MACROD1: variants seen among roughly 807,000 people sequenced by gnomAD.
The protein encoded by MACROD1 is mono-ADP ribosylhydrolase 1.
In MACROD1, 31 loss-of-function variants were observed where a neutral mutation model predicts 41.4. That is an observed-to-expected ratio of 0.75 (90% confidence interval 0.56 to 1.01). MACROD1 has a LOEUF of 1.01. Ranked by LOEUF, MACROD1 falls within the 50% of genes least tolerant of loss-of-function variation. MACROD1 has a pLI of 0.00. For synonymous variants in MACROD1, 252 were observed against 203.4 expected (o/e 1.24, Z -2.03); for missense variants, 473 against 460.0 (o/e 1.03, Z -0.26).
intron 3 of MACROD1, among the ~76,000 whole-genome samples, chr11:64,030,015 TGGGGCTG>T (rs974453355): frequency 3.3e-5 from 5 of 152,160 alleles, no homozygotes; most frequent in Middle Eastern, 3.4e-3. Flanking sequence ...TCAGTCCTGC[TGGGGCTG>T]GGGGCTGACC....
rs764686145 is a variant in MACROD1 at position 64,093,232 on chromosome 11, GTAT to G, written c.517+58004_517+58006del. Among the ~76,000 whole-genome samples the G allele has an allele frequency of 9.2e-5, 14 of 152,300 alleles. No homozygotes were observed. In the East Asian group the frequency reaches 1.9e-3, roughly 21 times the overall value. On this transcript the variant is annotated intron_variant, in intron 3 of 10. Coordinates refer to ENST00000255681, the MANE Select transcript of MACROD1 (RefSeq NM_014067.4). ...CACAGGGCGGCCACTACTGTTGTTAGTATTATTATTATTATCCACATCAACATC... is the reference window on the plus strand; with the variant it reads ...CACAGGGCGGCCACTACTGTTGTTAGTATTATTATTATCCACATCAACATC...
chr11:64,039,125 A>G (rs1189964669), intron 3 of MACROD1, among the ~76,000 whole-genome samples: 1 of 152,154 alleles, frequency 6.6e-6, no homozygotes, highest in Non-Finnish European at 1.5e-5. Context: ...TACCTGGCCC[A>G]AGGGGCAGTG....
intron 3 of MACROD1, among the ~76,000 whole-genome samples, chr11:64,126,221 C>T (rs1291850794): frequency 6.6e-6 from 1 of 152,212 alleles, no homozygotes; most frequent in Non-Finnish European, 1.5e-5. Context: ...CCAAAGTGAG[C>T]CGCCAGGGGG....
chr11:64,076,578 C>T (rs1944206498), intron 3 of MACROD1, among the ~76,000 whole-genome samples: 2 of 152,196 alleles, frequency 1.3e-5, no homozygotes, highest in South Asian at 4.1e-4. Flanking sequence ...AGAACTTAGT[C>T]ATCCTCACAA....
intron 3 of MACROD1, among the ~76,000 whole-genome samples, chr11:64,042,863 C>T (rs1453260501): frequency 6.6e-6 from 1 of 152,214 alleles, no homozygotes; most frequent in Non-Finnish European, 1.5e-5. Context: ...GTGCCACACC[C>T]CAGTTTCCAG....
chr11:64,085,949 G>A (rs1168623508), intron 3 of MACROD1, among the ~76,000 whole-genome samples: 2 of 127,824 alleles, frequency 1.6e-5, no homozygotes, highest in Non-Finnish European at 3.2e-5. Context: ...CCCTTCCTGC[G>A]CCCCCAGCCC....
chr11:64,116,850 G>A, intron 3 of MACROD1: 2 of 1,612,596 alleles, frequency 1.2e-6, no homozygotes, highest in African/African-American at 1.3e-5. Flanking sequence ...CATCCCCTCG[G>A]GGCTGCCGCA....
In MACROD1 at chr11:64,067,469, A is replaced by G. The variant is rs923008647; in HGVS notation, c.518-52188T>C. ...CAGCCAGCACAGACGCCCAGCTCAG[A>G]TAACAGAAGGGAGGAGATAGGTCGG... On this transcript the variant is annotated intron_variant, in intron 3 of 10. Coordinates refer to ENST00000255681, the MANE Select transcript of MACROD1 (RefSeq NM_014067.4). This position sits in a 1 kb window ranked among gnomAD's most constrained non-coding sequence, Gnocchi z 4.6. 1.3e-5 allele frequency among the ~76,000 whole-genome samples: 2 copies of G among 152,118 alleles called. No individual in the cohort carries two copies. The highest frequency in any genetic ancestry group is 2.9e-5 in the Non-Finnish European group (2 of 67,992).
intron 3 of MACROD1, chr11:64,119,156 T>C (rs931936959): frequency 9.6e-5 from 16 of 167,228 alleles, no homozygotes; most frequent in African/African-American, 3.1e-4. Context: ...TCCTGAACAA[T>C]AGAATTGTGA....
At chr11:64,156,157 T>C (rs1418187306) in intron 1 of MACROD1, among the ~76,000 whole-genome samples, 2 of 150,476 alleles carry the variant, frequency 1.3e-5, no homozygotes, top group Non-Finnish European at 3.0e-5. Context: ...GACATGTGCC[T>C]GTAGTCCCAA....
intron 3 of MACROD1, among the ~76,000 whole-genome samples, chr11:64,066,145 G>T (rs938955723): frequency 2.6e-5 from 4 of 151,198 alleles, no homozygotes; most frequent in African/African-American, 9.7e-5. Context: ...AAAAATACAA[G>T]AATTAGCTGG....
chr11:64,035,637 C>G (rs1943359538), intron 3 of MACROD1, among the ~76,000 whole-genome samples: 1 of 129,182 alleles, frequency 7.7e-6, no homozygotes, highest in South Asian at 2.5e-4. Context: ...TTCTCCCCGG[C>G]TGGGCCAGAA....
At chr11:64,000,839 G>C (rs891606433) in intron 4 of MACROD1, among the ~76,000 whole-genome samples, 1 of 152,154 alleles carries the variant, frequency 6.6e-6, no homozygotes, top group Non-Finnish European at 1.5e-5. Flanking sequence ...GCCCCATCAC[G>C]GGGCGGCGGC....
At chr11:64,010,467 A>G (rs1209051038) in intron 4 of MACROD1, among the ~76,000 whole-genome samples, 56 of 71,088 alleles carry the variant, frequency 7.9e-4, no homozygotes, top group African/African-American at 1.2e-3. Context: ...GCTGGCTGGC[A>G]TGTTGGTTGG....
chr11:64,148,756 C>A (rs1198925318), intron 3 of MACROD1: 13 of 985,640 alleles, frequency 1.3e-5, no homozygotes, highest in Non-Finnish European at 1.4e-5. Flanking sequence ...CCGTTGCCAA[C>A]GACTTTTATT....
intron 2 of MACROD1, among the ~76,000 whole-genome samples, chr11:64,151,710 A>C (rs1945581314): frequency 1.3e-5 from 2 of 152,160 alleles, no homozygotes; most frequent in African/African-American, 4.8e-5. Context: ...ACTGTAAGCA[A>C]CCAAATCGCA....
intron 4 of MACROD1, among the ~76,000 whole-genome samples, chr11:64,003,212 C>T (rs1942855980): frequency 1.3e-5 from 2 of 152,176 alleles, no homozygotes; most frequent in Admixed American, 1.3e-4. Context: ...CGTTAAACTC[C>T]CCCTGATATG....
chr11:64,118,314 C>T (rs1380992093), intron 3 of MACROD1: 1 of 1,530,892 alleles, frequency 6.5e-7, no homozygotes, highest in East Asian at 2.3e-5. Flanking sequence ...CCGGGCTGCC[C>T]CGCCTCAGCC....
At chr11:64,165,624 T>C (rs1251632719) in intron 1 of MACROD1, 73 bp downstream of exon 1, 3 of 1,289,112 alleles carry the variant, frequency 2.3e-6, no homozygotes, top group East Asian at 6.2e-5. Context: ...TGCTCGCTCG[T>C]TGGGGGCCGC....
Sources: gnomAD v4.1 joint callset for allele counts (sites outside exome capture counted in the v4.1 genomes callset) on GRCh38, gnomAD v4.1.1 for gene constraint, Gnocchi (gnomAD v3.1) non-coding constraint, MANE v1.5 for transcripts, NCBI Gene and HGNC (gene_info 2026-07-23, HGNC 2026-07-21) for gene names.